The following PIK3C2G variants were observed in gnomAD, a reference collection of about 807,000 sequenced individuals.
PIK3C2G encodes the protein phosphatidylinositol-4-phosphate 3-kinase catalytic subunit type 2 gamma.
PIK3C2G carries 168 observed loss-of-function variants against 181.1 expected under a neutral mutation model. The observed-to-expected ratio is 0.93, with a 90% CI of 0.82 to 1.05. The LOEUF (loss-of-function observed/expected upper bound fraction) is 1.05. Ranked by LOEUF, PIK3C2G falls within the 50% of genes least tolerant of loss-of-function variation. The probability of loss-of-function intolerance (pLI) is 0.00; values close to 1 mark genes in which losing one functional copy is unlikely to be tolerated. For missense variants in PIK3C2G, 1,869 were observed against 1,732.8 expected (o/e 1.08, Z -1.40); for synonymous variants, 573 against 592.2 (o/e 0.97, Z 0.47).
At chr12:18,248,043 A>G (rs771485799) in exon 1 of PIK3C2G, 1 of 152,174 alleles carries the variant, frequency 6.6e-6, no homozygotes, top group South Asian at 2.1e-4. Context: ...AAAACTGCCA[A>G]CGGTACCTGA....
chr12:18,440,454 G>C (rs772340442), intron 18 of PIK3C2G, among the ~76,000 whole-genome samples: 2 of 152,104 alleles, frequency 1.3e-5, no homozygotes, highest in Non-Finnish European at 2.9e-5. Flanking sequence ...AACATAAAAA[G>C]TACAAGGGTC....
the PIK3C2G span, among the ~76,000 whole-genome samples, chr12:18,673,203 G>C: frequency 6.6e-6 from 1 of 152,040 alleles, no homozygotes; most frequent in African/African-American, 2.4e-5. Context: ...CCCTCATAAA[G>C]GGTACAGGAA....
At chr12:18,414,883 G>A (rs1238957803) in intron 16 of PIK3C2G, among the ~76,000 whole-genome samples, 4 of 152,156 alleles carry the variant, frequency 2.6e-5, no homozygotes. Flanking sequence ...TTAATGTCAA[G>A]TTAGGCCTTA....
At chr12:18,601,804 T>C (rs1423205686) in intron 30 of PIK3C2G, among the ~76,000 whole-genome samples, 5 of 152,074 alleles carry the variant, frequency 3.3e-5, no homozygotes, top group Non-Finnish European at 7.4e-5. Context: ...AAGCATCACA[T>C]GACCTGACTT....
chr12:18,521,676 C>G (rs187334952), intron 24 of PIK3C2G, among the ~76,000 whole-genome samples: 24 of 152,320 alleles, frequency 1.6e-4, no homozygotes, highest in African/African-American at 5.3e-4. Flanking sequence ...CGCCCATCCC[C>G]CGCCCTGGGA....
the PIK3C2G span, among the ~76,000 whole-genome samples, chr12:18,668,808 GATAC>G: frequency 6.6e-6 from 1 of 152,102 alleles, no homozygotes; most frequent in African/African-American, 2.4e-5. Flanking sequence ...GCCCAGCTCT[GATAC>G]ATATCTACTC....
intron 7 of PIK3C2G, among the ~76,000 whole-genome samples, chr12:18,323,062 G>A (rs901896277): frequency 6.6e-6 from 1 of 152,160 alleles, no homozygotes; most frequent in African/African-American, 2.4e-5. Context: ...ACTGCTACCT[G>A]GGGCACAGAG....
rs539394615 is a variant in PIK3C2G, at chr12:18,364,391, T to A, written c.1748+1505T>A. Among the ~76,000 whole-genome samples, 15 of 152,336 alleles carry A rather than the reference T, an allele frequency of 9.8e-5. 1 individual carries two copies. The South Asian group carries it at 3.1e-3, about 32-fold the overall frequency. On this transcript the variant is annotated intron_variant, in intron 12 of 32. Coordinates refer to ENST00000538779, the MANE Select transcript of PIK3C2G (RefSeq NM_001288772.2). ...CTTCCTGTATCATTGGGCAAAATTG[T>A]TCATCTTTTCTTCCCTTGCTTGGTC...
rs201308645 is a variant in PIK3C2G, at chr12:18,648,038, T to C, written c.*10T>C. The stretch of plus-strand genomic sequence containing the variant: ...AAACAGTATAATTTGACCATTGCTA[T>C]GAACATATGCATTATTCATTAACTA... On this transcript the variant is annotated 3_prime_UTR_variant, in exon 33 of 33. Coordinates refer to ENST00000538779, the MANE Select transcript of PIK3C2G (RefSeq NM_001288772.2). 314 of 1,559,332 alleles carry C rather than the reference T, an allele frequency of 2.0e-4. 1 individual carries two copies. In the East Asian group the frequency reaches 6.4e-3, roughly 32 times the overall value.
chr12:18,300,987 G>A (rs1435641363), intron 5 of PIK3C2G, among the ~76,000 whole-genome samples: 2 of 152,090 alleles, frequency 1.3e-5, no homozygotes, highest in African/African-American at 4.8e-5. Context: ...TCTTGGTTGA[G>A]AGTGGTTTCT....
At chr12:18,695,662 T>G in the PIK3C2G span, among the ~76,000 whole-genome samples, 1 of 152,032 alleles carries the variant, frequency 6.6e-6, no homozygotes, top group South Asian at 2.1e-4. Context: ...ACCTGGTACT[T>G]TCTGATGGGT....
chr12:18,716,118 C>A, the PIK3C2G span, among the ~76,000 whole-genome samples: 1 of 152,004 alleles, frequency 6.6e-6, no homozygotes, highest in African/African-American at 2.4e-5. Context: ...TTCTTAATTT[C>A]TATGGAAGAA....
intron 29 of PIK3C2G, among the ~76,000 whole-genome samples, chr12:18,582,349 CCA>C (rs1180087991): frequency 6.6e-6 from 1 of 152,044 alleles, no homozygotes; most frequent in African/African-American, 2.4e-5. Flanking sequence ...ACCCCAGGAA[CCA>C]CAGTTTTCAC....
intron 12 of PIK3C2G, chr12:18,363,203 G>A (rs1440983987): frequency 6.0e-6 from 1 of 165,516 alleles, no homozygotes; most frequent in Non-Finnish European, 1.3e-5. Flanking sequence ...GGCAGGAGTG[G>A]AGGGAGTCCA....
intron 25 of PIK3C2G, 144 bp downstream of exon 25, chr12:18,538,456 C>G (rs1257397295): frequency 3.2e-6 from 2 of 624,734 alleles, no homozygotes; most frequent in East Asian, 2.8e-5. Flanking sequence ...TACCATTGTA[C>G]AGCTTATAAA....
chr12:18,360,546 A>G (rs545191882), intron 11 of PIK3C2G, among the ~76,000 whole-genome samples: 3 of 152,314 alleles, frequency 2.0e-5, no homozygotes, highest in Admixed American at 2.0e-4. Context: ...TTTCTTACAA[A>G]GCAGGTCTTG....
At chr12:18,689,114 G>C in the PIK3C2G span, among the ~76,000 whole-genome samples, 2 of 152,004 alleles carry the variant, frequency 1.3e-5, no homozygotes, top group Non-Finnish European at 2.9e-5. Context: ...GCATGGAATG[G>C]GCATCAGCAT....
chr12:18,356,197 T>C (rs893483628), intron 11 of PIK3C2G, among the ~76,000 whole-genome samples: 12 of 152,142 alleles, frequency 7.9e-5, no homozygotes, highest in African/African-American at 2.9e-4. Flanking sequence ...CAGAGGAAAG[T>C]CTGAGGACAA....
chr12:18,280,375 T>G (rs1208293798), intron 1 of PIK3C2G, among the ~76,000 whole-genome samples: 1 of 152,030 alleles, frequency 6.6e-6, no homozygotes, highest in Non-Finnish European at 1.5e-5. Flanking sequence ...TACAGTAGTT[T>G]TACCTTTCCC....
Sources: gnomAD v4.1 joint callset for allele counts (sites outside exome capture counted in the v4.1 genomes callset) on GRCh38, gnomAD v4.1.1 for gene constraint, MANE v1.5 for transcripts, NCBI Gene and HGNC (gene_info 2026-07-23, HGNC 2026-07-21) for gene names.